SETD2: variants seen among roughly 807,000 people sequenced by gnomAD.
SETD2 encodes the protein SET domain containing 2, histone lysine methyltransferase, also known as histone-lysine N-methyltransferase SETD2.
Under a neutral mutation model 242.1 loss-of-function variants are expected in SETD2, and 31 were observed. The observed-to-expected ratio is 0.13, with a 90% CI of 0.10 to 0.17. The LOEUF is 0.17. SETD2 is among the 10% of genes least tolerant of loss of function. The probability of loss-of-function intolerance (pLI) is 1.00; values close to 1 mark genes in which losing one functional copy is unlikely to be tolerated. For synonymous variants in SETD2, 1,006 were observed against 1,066.5 expected, an observed-to-expected ratio of 0.94 and a Z score of 1.11; for missense variants, 2,481 against 3,046.3, an observed-to-expected ratio of 0.81 and a Z score of 4.37.
At chr3:47,117,897 C>T (rs1439618215) in intron 3 of SETD2, among the ~76,000 whole-genome samples, 1 of 152,140 alleles carries the variant, frequency 6.6e-6, no homozygotes, top group East Asian at 1.9e-4. Flanking sequence ...CAAAACAAAA[C>T]AACCAAAGAT....
chr3:47,161,246 T>C (rs746733206), intron 1 of SETD2, among the ~76,000 whole-genome samples: 5 of 152,146 alleles, frequency 3.3e-5, no homozygotes, highest in Admixed American at 6.5e-5. Context: ...TCATGCATTA[T>C]CTCATTCAAT....
intron 12 of SETD2, among the ~76,000 whole-genome samples, chr3:47,083,019 C>T (rs563082120): frequency 6.6e-6 from 1 of 152,302 alleles, no homozygotes; most frequent in East Asian, 1.9e-4. Flanking sequence ...AGATCACTTA[C>T]AAATGAAATG....
intron 1 of SETD2, among the ~76,000 whole-genome samples, chr3:47,153,210 C>T (rs1177432240): frequency 6.6e-6 from 1 of 151,426 alleles, no homozygotes; most frequent in African/African-American, 2.4e-5. Context: ...CCAAATTAAA[C>T]AAAGTAAATT....
At chr3:47,114,079 A>G (rs1034384389) in intron 4 of SETD2, 75 bp from the exon 5 acceptor site, 2 of 1,445,130 alleles carry the variant, frequency 1.4e-6, no homozygotes, top group African/African-American at 2.8e-5. Flanking sequence ...AAAATGTGTT[A>G]GTATAACTAC....
chr3:47,084,646 A>T (rs1222557260), intron 11 of SETD2, among the ~76,000 whole-genome samples: 1 of 151,690 alleles, frequency 6.6e-6, no homozygotes, highest in East Asian at 1.9e-4. Context: ...GGCTGGTCTC[A>T]AACTCCTGAC....
At chr3:47,126,758 T>C (rs1290357726) in intron 1 of SETD2, 95 bp from the exon 2 acceptor site, 1 of 736,496 alleles carries the variant, frequency 1.4e-6, no homozygotes, top group Non-Finnish European at 2.3e-6. Flanking sequence ...TATTAAAACT[T>C]GGGATACTTA....
At chr3:47,037,286 C>A (rs867594913) in intron 18 of SETD2, among the ~76,000 whole-genome samples, 3 of 120,158 alleles carry the variant, frequency 2.5e-5, no homozygotes, top group African/African-American at 8.8e-5. Flanking sequence ...CCCCCTCCCC[C>A]CCACCCCACA....
intron 6 of SETD2, chr3:47,105,716 A>C: frequency 2.3e-6 from 1 of 432,980 alleles, no homozygotes; most frequent in South Asian, 1.7e-5. Flanking sequence ...CAGCCTGGCC[A>C]ACGTGGTGAA....
intron 8 of SETD2, among the ~76,000 whole-genome samples, chr3:47,099,442 A>G (rs574641423): frequency 6.6e-6 from 1 of 152,312 alleles, no homozygotes; most frequent in Non-Finnish European, 1.5e-5. Flanking sequence ...CACTGGTCCT[A>G]AAGACCCAAA....
chr3:47,032,705 A>T (rs187524537), intron 18 of SETD2, among the ~76,000 whole-genome samples: 1 of 152,244 alleles, frequency 6.6e-6, no homozygotes, highest in Non-Finnish European at 1.5e-5. Context: ...TGAGGTCAGG[A>T]GTTCGAGACC....
chr3:47,040,335 T>C (rs1392021422), intron 17 of SETD2, among the ~76,000 whole-genome samples: 1 of 152,062 alleles, frequency 6.6e-6, no homozygotes, highest in Non-Finnish European at 1.5e-5. Flanking sequence ...AGGGAAAATA[T>C]ATGAAAATTT....
At chr3:47,107,340 C>T (rs117580013) in intron 5 of SETD2, among the ~76,000 whole-genome samples, 1 of 151,388 alleles carries the variant, frequency 6.6e-6, no homozygotes, top group East Asian at 1.9e-4. Flanking sequence ...TTAACTTCGC[C>T]AACTGAAAAA....
At chr3:47,100,410 G>A (rs557882472) in intron 8 of SETD2, among the ~76,000 whole-genome samples, 4 of 151,858 alleles carry the variant, frequency 2.6e-5, no homozygotes, top group South Asian at 2.1e-4. Context: ...ACAGGCGTGC[G>A]CCACCACGCC....
chr3:47,147,688 C>T (rs2043889783), intron 1 of SETD2, among the ~76,000 whole-genome samples: 1 of 151,528 alleles, frequency 6.6e-6, no homozygotes, highest in Middle Eastern at 3.4e-3. Flanking sequence ...CTTTGGGAGG[C>T]CAAGGCGGGC....
chr3:47,116,765 A>C lies in SETD2; in HGVS notation c.4455-11T>G. The C allele has an allele frequency of 1.3e-6, 2 of 1,556,520 alleles. No individual in the cohort carries two copies. Among genetic ancestry groups the C allele is most frequent in the Non-Finnish European group, 1.8e-6 (2 of 1,135,642 alleles). ...GATTTATTCTTCTTTCTATTGGGTA[A>C]AATTTCATAAAAACTGATTAAATAA... On this transcript the variant is annotated splice_polypyrimidine_tract_variant and intron_variant, in intron 3 of 20. Coordinates refer to ENST00000409792, the MANE Select transcript of SETD2 (RefSeq NM_014159.7).
At chr3:47,032,818 A>G (rs1189917172) in intron 18 of SETD2, among the ~76,000 whole-genome samples, 1 of 151,920 alleles carries the variant, frequency 6.6e-6, no homozygotes, top group Non-Finnish European at 1.5e-5. Flanking sequence ...AGGCTGAGGC[A>G]TGAGAATCGT....
intron 14 of SETD2, among the ~76,000 whole-genome samples, chr3:47,058,677 A>G (rs1159325276): frequency 6.6e-6 from 1 of 152,046 alleles, no homozygotes; most frequent in Admixed American, 6.6e-5. Context: ...TTCAAATGCT[A>G]TATACTATAT....
chr3:47,126,956 A>C (rs1347631806), intron 1 of SETD2, among the ~76,000 whole-genome samples: 4 of 152,236 alleles, frequency 2.6e-5, no homozygotes, highest in Non-Finnish European at 5.9e-5. Flanking sequence ...AATTTGTAAC[A>C]AAAGTAATAC....
At chr3:47,106,811 CAAAAAA>C (rs397989450) in intron 5 of SETD2, among the ~76,000 whole-genome samples, 2 of 113,654 alleles carry the variant, frequency 1.8e-5, no homozygotes, top group Non-Finnish European at 3.5e-5. Context: ...GACTCCGTCT[CAAAAAA>C]AAAAAAAAAG....
Sources: gnomAD v4.1 joint callset for allele counts (sites outside exome capture counted in the v4.1 genomes callset) on GRCh38, gnomAD v4.1.1 for gene constraint, MANE v1.5 for transcripts, NCBI Gene and HGNC (gene_info 2026-07-23, HGNC 2026-07-21) for gene names.